The following SREK1 variants were observed in gnomAD, a reference collection of about 807,000 sequenced individuals.
The protein encoded by SREK1 is splicing regulatory glutamic acid and lysine rich protein 1.
Under a neutral mutation model 66.5 loss-of-function variants are expected in SREK1, and 13 were observed. The ratio of observed to expected loss-of-function variants is 0.20; its 90% CI spans 0.13 to 0.31. The LOEUF is 0.31. Ranked by LOEUF, SREK1 falls within the 10% of genes least tolerant of loss-of-function variation. The pLI is 1.00. For synonymous variants in SREK1, 265 were observed against 263.5 expected, an observed-to-expected ratio of 1.01 and a Z score of -0.05; for missense variants, 607 against 769.6, an observed-to-expected ratio of 0.79 and a Z score of 2.50.
chr5:66,144,853 A>T (rs1037920261), intron 1 of SREK1: 1 of 1,057,154 alleles, frequency 9.5e-7, no homozygotes, highest in Non-Finnish European at 1.1e-6. Flanking sequence ...CCCCGAACTT[A>T]AGATGGCCGC....
intron 7 of SREK1, chr5:66,167,518 G>A (rs1580660158): frequency 6.6e-6 from 1 of 152,190 alleles, no homozygotes; most frequent in East Asian, 1.9e-4. Flanking sequence ...CATTAAAAAT[G>A]AGAGTTAATG....
At chr5:66,176,674 A>G (rs923327371) in intron 10 of SREK1, among the ~76,000 whole-genome samples, 6 of 152,102 alleles carry the variant, frequency 3.9e-5, no homozygotes, top group African/African-American at 1.4e-4. Context: ...GTTTTCAGAA[A>G]TATTTCATCG....
rs118044528 is a variant in SREK1, at chr5:66,153,267, C to G, written c.162-196C>G. On this transcript the variant is annotated intron_variant, in intron 1 of 11. Coordinates refer to ENST00000334121, the MANE Select transcript of SREK1 (RefSeq NM_001077199.3). ...TAAGGCAGTAGGCCTGCCTGGATTG[C>G]CTTCTGTTGTGGTAGACAAATCACC... Among the ~76,000 whole-genome samples, 34 of 152,140 alleles carry G rather than the reference C, an allele frequency of 2.2e-4. No homozygotes were observed. In the East Asian group the frequency reaches 5.0e-3, roughly 22 times the overall value.
intron 3 of SREK1, among the ~76,000 whole-genome samples, chr5:66,160,209 G>A (rs1483288741): frequency 6.6e-6 from 1 of 152,026 alleles, no homozygotes; most frequent in Admixed American, 6.5e-5. Context: ...TAAAAGAAGT[G>A]CCATTTTTCT....
At chr5:66,144,766 G>T in intron 1 of SREK1, 3 of 1,227,452 alleles carry the variant, frequency 2.4e-6, no homozygotes, top group Non-Finnish European at 3.1e-6. Flanking sequence ...GATTTAGAAT[G>T]GTTGCCCTTT....
chr5:66,171,087 G>A (rs1745609697), intron 9 of SREK1, 140 bp downstream of exon 9: 3 of 1,064,236 alleles, frequency 2.8e-6, no homozygotes, highest in Non-Finnish European at 3.9e-6. Flanking sequence ...TAATTTCAGA[G>A]TAAACATTTC....
At chr5:66,153,699 G>T in intron 2 of SREK1, 103 bp downstream of exon 2, 1 of 1,432,892 alleles carries the variant, frequency 7.0e-7, no homozygotes, top group Non-Finnish European at 9.5e-7. Flanking sequence ...CTTGGTGTGT[G>T]TGTGAAAGTA....
chr5:66,163,518 A>G (rs567582127), intron 5 of SREK1: 218 of 261,114 alleles, frequency 8.3e-4, no homozygotes, highest in Non-Finnish European at 1.3e-3. Flanking sequence ...ATTCTAAGCT[A>G]TGGAAAAGCA....
At chr5:66,158,153 A>G (rs1031509320) in intron 2 of SREK1, 2 of 151,382 alleles carry the variant, frequency 1.3e-5, no homozygotes, top group Admixed American at 1.3e-4. Context: ...AGGAAAAATA[A>G]TGTGAAAGTT....
At chr5:66,155,496 T>A (rs562980194) in intron 2 of SREK1, among the ~76,000 whole-genome samples, 19 of 152,170 alleles carry the variant, frequency 1.2e-4, no homozygotes, top group Non-Finnish European at 2.6e-4. Flanking sequence ...ATTATTGTAC[T>A]AAAAAAGATA....
At chr5:66,176,975 G>A (rs1746105026) in intron 10 of SREK1, among the ~76,000 whole-genome samples, 1 of 152,000 alleles carries the variant, frequency 6.6e-6, no homozygotes, top group Non-Finnish European at 1.5e-5. Context: ...ATAGATGCAG[G>A]CCATGTTTGT....
At chr5:66,158,732 G>A in intron 2 of SREK1, 1 of 1,161,108 alleles carries the variant, frequency 8.6e-7, no homozygotes, top group Non-Finnish European at 1.1e-6. Context: ...TGACTAATTT[G>A]GTTATTTGCC....
chr5:66,182,315 C>T lies in SREK1; in HGVS notation c.*3447C>T, dbSNP rs903540590. On this transcript the variant is annotated 3_prime_UTR_variant, in exon 12 of 12. Coordinates refer to ENST00000334121, the MANE Select transcript of SREK1 (RefSeq NM_001077199.3). ...TGTGTTTAAATATTTTTTATTTTCA[C>T]TACATATATATTATTTTCTCATGTT... is the stretch of plus-strand genomic sequence containing the variant. 4 of 151,998 alleles carry T rather than the reference C, an allele frequency of 2.6e-5. No homozygotes were observed. The highest frequency in any genetic ancestry group is 9.7e-5 in the African/African-American group (4 of 41,396). 9.4% of individuals were successfully genotyped at this position (151,998 alleles called of 1,614,324 possible).
At chr5:66,160,313 A>G (rs1373073360) in intron 3 of SREK1, among the ~76,000 whole-genome samples, 1 of 152,212 alleles carries the variant, frequency 6.6e-6, no homozygotes, top group East Asian at 1.9e-4. Flanking sequence ...CTAAGAAATG[A>G]ACTATGTGAT....
chr5:66,164,944 TTAAAA>T (rs1287981609), intron 7 of SREK1, 47 bp downstream of exon 7: 1 of 1,517,608 alleles, frequency 6.6e-7, no homozygotes, highest in Non-Finnish European at 8.9e-7. Context: ...AGTTTTGTAT[TTAAAA>T]TATTAAGATT....
chr5:66,174,616 AC>A (rs1049952938), intron 9 of SREK1: 6 of 175,970 alleles, frequency 3.4e-5, no homozygotes, highest in Non-Finnish European at 1.2e-5. Context: ...CTGAGAAAAT[AC>A]ACTTGAGAGA....
In SREK1 at chr5:66,170,830, A is replaced by T; in HGVS notation, c.1367A>T (p.Glu456Val). Residue 456 changes from glutamate to valine, a missense_variant, in exon 9 of 12, where the codon GAA becomes GTA. Physicochemically the swap from Glu to Val is moderately radical, Grantham distance 121. Around this residue, in one of 5 missense-constraint regions of SREK1, gnomAD observed 318 missense variants for 310.3 expected, o/e 1.02. Transcript: ENST00000334121. ...GAGAAGGAAAAGGAACAGGACAAAG[A>T]AAAGGAACGAGAAAAAGACAGATCC... ...DKEKEKEQDK[E>V]KEREKDRSKE... 6.2e-7 allele frequency: 1 copy of T among 1,613,782 alleles called. No individual in the cohort carries two copies.
At chr5:66,150,350 A>G (rs1459164416) in intron 1 of SREK1, among the ~76,000 whole-genome samples, 2 of 152,248 alleles carry the variant, frequency 1.3e-5, no homozygotes, top group Non-Finnish European at 2.9e-5. Context: ...TGAGCCTTGA[A>G]GAAGAGTGGA....
rs566934159 is a variant in SREK1, at chr5:66,182,098, A to G, written c.*3230A>G. The G allele has an allele frequency of 3.9e-5, 6 of 152,168 alleles. No individual in the cohort carries two copies. The South Asian group carries it at 8.3e-4, about 21-fold the overall frequency. 9.4% of individuals were successfully genotyped at this position (152,168 alleles called of 1,614,324 possible). A position where few individuals can be genotyped will look rare whatever the true frequency, so the allele number is the denominator to read the frequency against. ...CCTTTAAGTTTTTTTTTAATCTGTTAGAAATAAAGAGCATGATTTAATTAT... is the reference window on the plus strand; with the variant it reads ...CCTTTAAGTTTTTTTTTAATCTGTTGGAAATAAAGAGCATGATTTAATTAT... On this transcript the variant is annotated 3_prime_UTR_variant, in exon 12 of 12. Coordinates refer to ENST00000334121, the MANE Select transcript of SREK1 (RefSeq NM_001077199.3).
Sources: gnomAD v4.1 joint callset for allele counts (sites outside exome capture counted in the v4.1 genomes callset) on GRCh38, gnomAD v4.1.1 for gene constraint, gnomAD v4.1.1 regional missense constraint, MANE v1.5 for transcripts, NCBI Gene and HGNC (gene_info 2026-07-23, HGNC 2026-07-21) for gene names.